The following PPP2R2A variants were observed in gnomAD, a reference collection of about 807,000 sequenced individuals.
PPP2R2A encodes the protein protein phosphatase 2 regulatory subunit Balpha.
In PPP2R2A, 9 loss-of-function variants were observed where a neutral mutation model predicts 53.2. That is an observed-to-expected ratio of 0.17 (90% confidence interval 0.10 to 0.30). The LOEUF (loss-of-function observed/expected upper bound fraction) is 0.30. PPP2R2A is among the 10% of genes least tolerant of loss of function. The pLI is 1.00. For synonymous variants in PPP2R2A, 169 were observed against 174.2 expected (o/e 0.97, Z 0.23); for missense variants, 235 against 534.6 (o/e 0.44, Z 5.53).
chr8:26,301,818 A>G (rs533932006), intron 2 of PPP2R2A, among the ~76,000 whole-genome samples: 2 of 152,318 alleles, frequency 1.3e-5, no homozygotes, highest in South Asian at 4.1e-4. Flanking sequence ...TGCCTTTTTC[A>G]ATACATTGAC....
At chr8:26,325,761 C>G (rs560369686) in intron 2 of PPP2R2A, among the ~76,000 whole-genome samples, 1 of 152,164 alleles carries the variant, frequency 6.6e-6, no homozygotes, top group Non-Finnish European at 1.5e-5. Context: ...TATATTGATA[C>G]AGCCAACTTA....
intron 2 of PPP2R2A, among the ~76,000 whole-genome samples, chr8:26,318,842 G>A (rs1370277375): frequency 6.6e-6 from 1 of 152,156 alleles, no homozygotes; most frequent in African/African-American, 2.4e-5. Flanking sequence ...TTTTATGTGG[G>A]ATGACAATCT....
At chr8:26,297,381 T>G (rs1563280027) in intron 2 of PPP2R2A, among the ~76,000 whole-genome samples, 3 of 152,198 alleles carry the variant, frequency 2.0e-5, no homozygotes. Context: ...GTGCTGAGAT[T>G]ACAGGTGTGA....
intron 9 of PPP2R2A, among the ~76,000 whole-genome samples, chr8:26,369,539 T>C (rs1157108077): frequency 1.3e-5 from 2 of 152,120 alleles, no homozygotes; most frequent in Non-Finnish European, 2.9e-5. Flanking sequence ...TACGGGTGCC[T>C]GCCACCACGC....
At chr8:26,322,980 A>T (rs1168365252) in intron 2 of PPP2R2A, among the ~76,000 whole-genome samples, 1 of 152,214 alleles carries the variant, frequency 6.6e-6, no homozygotes, top group East Asian at 1.9e-4. Flanking sequence ...GTACCTTTGG[A>T]TGCAATTCAT....
At chr8:26,351,625 G>A (rs879188162) in intron 3 of PPP2R2A, among the ~76,000 whole-genome samples, 1 of 152,062 alleles carries the variant, frequency 6.6e-6, no homozygotes, top group African/African-American at 2.4e-5. Context: ...AGTGGTTTTG[G>A]GAAGGGGTCG....
intron 2 of PPP2R2A, among the ~76,000 whole-genome samples, chr8:26,323,972 T>A (rs918206328): frequency 1.3e-5 from 2 of 152,224 alleles, no homozygotes; most frequent in Non-Finnish European, 2.9e-5. Flanking sequence ...ATTTAGAACC[T>A]CTCCAGTGTC....
At chr8:26,292,046 T>TGGCGGG (rs1801320190) in intron 1 of PPP2R2A, 4 of 745,392 alleles carry the variant, frequency 5.4e-6, no homozygotes, top group Non-Finnish European at 6.0e-6. Context: ...GCTGGCGCCG[T>TGGCGGG]GGCGGGGGTG....
chr8:26,361,745 A>G (rs919170558), intron 6 of PPP2R2A, among the ~76,000 whole-genome samples: 1 of 152,116 alleles, frequency 6.6e-6, no homozygotes. Flanking sequence ...GGATCACCTA[A>G]GGTCAGTAGT....
intron 1 of PPP2R2A, 24 bp downstream of exon 1, chr8:26,291,850 C>T: frequency 6.2e-7 from 1 of 1,608,300 alleles, no homozygotes; most frequent in South Asian, 1.1e-5. Flanking sequence ...CCCCCTCGCC[C>T]CCTGACAAGG....
At position 26,351,286 on chromosome 8, in the gene PPP2R2A, C is replaced by T. The variant is rs77189626; in HGVS notation, c.181-3182C>T. On this transcript the variant is annotated intron_variant, in intron 3 of 9. Coordinates refer to ENST00000380737, the MANE Select transcript of PPP2R2A (RefSeq NM_002717.4). ...AGATTAATGGGGAGTTGAGTCTGTT[C>T]TCTCTCCCCTAATGCAAGACCCTGT... is the stretch of plus-strand genomic sequence containing the variant. 7.0e-3 allele frequency among the ~76,000 whole-genome samples: 1,067 copies of T among 152,022 alleles called. 7 individuals are homozygous for T. Among genetic ancestry groups the T allele is most frequent in the African/African-American group, 0.024 (1,006 of 41,464 alleles).
At chr8:26,302,917 T>G (rs1224252640) in intron 2 of PPP2R2A, among the ~76,000 whole-genome samples, 1 of 152,216 alleles carries the variant, frequency 6.6e-6, no homozygotes. Context: ...GTTTAAAAGG[T>G]CTTTGATGGT....
At chr8:26,366,217 G>T (rs1805365856) in intron 8 of PPP2R2A, 98 bp from the exon 9 acceptor site, 2 of 849,434 alleles carry the variant, frequency 2.4e-6, no homozygotes, top group African/African-American at 1.7e-5. Context: ...AAAGGTGTGT[G>T]TATGTGTCTG....
Position 26,338,155 on chromosome 8 carries a change from A to T in PPP2R2A, c.83-735A>T, listed in dbSNP as rs1184960391. 6.6e-6 allele frequency among the ~76,000 whole-genome samples: 1 copy of T among 152,194 alleles called. No individual in the cohort carries two copies. The highest frequency in any genetic ancestry group is 1.9e-4 in the East Asian group (1 of 5,198). On this transcript the variant is annotated intron_variant, in intron 2 of 9. Coordinates refer to ENST00000380737, the MANE Select transcript of PPP2R2A (RefSeq NM_002717.4). This position sits in a 1 kb window ranked among gnomAD's most constrained non-coding sequence, Gnocchi z 4.5. ...TTTTACCATGTTACTGCTCTATCTT[A>T]TGCCCATTTCTGTAATTTAGACTTT...
chr8:26,356,292 C>G (rs1457014838), intron 4 of PPP2R2A, among the ~76,000 whole-genome samples: 1 of 152,150 alleles, frequency 6.6e-6, no homozygotes, highest in East Asian at 1.9e-4. Context: ...AAATGCTGTT[C>G]ACAAATGCCT....
chr8:26,334,702 G>A (rs558645743), intron 2 of PPP2R2A, among the ~76,000 whole-genome samples: 17 of 151,960 alleles, frequency 1.1e-4, no homozygotes, highest in African/African-American at 2.2e-4. Context: ...CCGAGATCGC[G>A]CCACTGCACT....
chr8:26,357,221 T>C (rs1166935641), intron 4 of PPP2R2A, among the ~76,000 whole-genome samples: 1 of 151,486 alleles, frequency 6.6e-6, no homozygotes, highest in Non-Finnish European at 1.5e-5. Context: ...TGATTCTGAG[T>C]GATATCTTTT....
At chr8:26,329,367 G>C (rs983773066) in intron 2 of PPP2R2A, among the ~76,000 whole-genome samples, 1 of 151,838 alleles carries the variant, frequency 6.6e-6, no homozygotes, top group Non-Finnish European at 1.5e-5. Flanking sequence ...CACTGTTCCT[G>C]TCTTCTACTA....
chr8:26,330,313 T>A (rs1286184586), intron 2 of PPP2R2A, among the ~76,000 whole-genome samples: 1 of 141,182 alleles, frequency 7.1e-6, no homozygotes, highest in African/African-American at 2.6e-5. Context: ...TTTTCTTTTT[T>A]TTTTTTTTTT....
Sources: gnomAD v4.1 joint callset for allele counts (sites outside exome capture counted in the v4.1 genomes callset) on GRCh38, gnomAD v4.1.1 for gene constraint, Gnocchi (gnomAD v3.1) non-coding constraint, MANE v1.5 for transcripts, NCBI Gene and HGNC (gene_info 2026-07-23, HGNC 2026-07-21) for gene names.